The following HHAT variants were observed in gnomAD, a reference collection of about 807,000 sequenced individuals.
HHAT encodes the protein hedgehog acyltransferase, also known as protein-cysteine N-palmitoyltransferase HHAT.
HHAT carries 47 observed loss-of-function variants against 70.8 expected under a neutral mutation model. That is an observed-to-expected ratio of 0.66 (90% CI 0.53 to 0.85). The LOEUF (loss-of-function observed/expected upper bound fraction) is 0.85, where lower values mean the gene tolerates loss of function less well. Among genes scored for constraint, HHAT ranks in the 40% least tolerant of loss-of-function variants. HHAT has a pLI of 0.00. For missense variants in HHAT, 609 were observed against 604.8 expected (o/e 1.01, Z -0.07); for synonymous variants, 228 against 247.6 (o/e 0.92, Z 0.74).
intron 11 of HHAT, among the ~76,000 whole-genome samples, chr1:210,634,707 T>G (rs150113125): frequency 6.9e-4 from 105 of 152,370 alleles, no homozygotes; most frequent in Non-Finnish European, 1.4e-3. Flanking sequence ...ATAACTTACT[T>G]TAGTCATATT....
intron 6 of HHAT, among the ~76,000 whole-genome samples, chr1:210,410,447 G>GTTT (rs34599460): frequency 0.025 from 2,952 of 119,382 alleles, 115 homozygotes; most frequent in African/African-American, 0.083. Context: ...AAAACCTTTT[G>GTTT]TTTTTTTTTT....
chr1:210,672,566 C>T (rs1680307258), intron 11 of HHAT, among the ~76,000 whole-genome samples: 2 of 152,200 alleles, frequency 1.3e-5, no homozygotes, highest in South Asian at 4.1e-4. Context: ...ATGTGTGTGT[C>T]TTTCCCAAGT....
At chr1:210,641,083 T>G (rs4626957) in intron 11 of HHAT, among the ~76,000 whole-genome samples, 57,410 of 152,062 alleles carry the variant, frequency 0.38, 11,871 homozygotes, top group Middle Eastern at 0.47. Flanking sequence ...GGGTACGAAT[T>G]ATGAGCTACT....
At chr1:210,386,529 C>T (rs556586024) in intron 3 of HHAT, among the ~76,000 whole-genome samples, 4 of 151,890 alleles carry the variant, frequency 2.6e-5, no homozygotes, top group Admixed American at 6.6e-5. Context: ...TGAGCCACCG[C>T]GCCCGGCCTG....
intron 7 of HHAT, among the ~76,000 whole-genome samples, chr1:210,444,287 G>T (rs2093588872): frequency 8.0e-6 from 1 of 124,280 alleles, no homozygotes; most frequent in Non-Finnish European, 1.8e-5. Flanking sequence ...TGTTCATCAA[G>T]GATATTGGTC....
intron 8 of HHAT, among the ~76,000 whole-genome samples, chr1:210,479,246 C>G (rs2094354051): frequency 6.6e-6 from 1 of 152,144 alleles, no homozygotes; most frequent in South Asian, 2.1e-4. Context: ...TGAATTGTAC[C>G]TGAAAGTCCA....
At chr1:210,389,193 A>T (rs919384534) in intron 4 of HHAT, among the ~76,000 whole-genome samples, 1 of 150,716 alleles carries the variant, frequency 6.6e-6, no homozygotes, top group Non-Finnish European at 1.5e-5. Context: ...GAGTAATTTT[A>T]TAAAGAAAAT....
chr1:210,592,481 G>A lies in HHAT; in HGVS notation c.1245+4382G>A, dbSNP rs151044190. Among the ~76,000 whole-genome samples the A allele has an allele frequency of 2.0e-5, 3 of 152,040 alleles. No individual in the cohort carries two copies. The East Asian group carries it at 5.8e-4, about 29-fold the overall frequency. On this transcript the variant is annotated intron_variant, in intron 10 of 11. Transcript: ENST00000261458. ...TAAGTAATGTGATTCCTCCAGTTTT[G>A]TAATTTTTCCTCAGAATAGCTTTGG...
At chr1:210,585,889 G>A (rs1660329379) in intron 9 of HHAT, among the ~76,000 whole-genome samples, 1 of 152,194 alleles carries the variant, frequency 6.6e-6, no homozygotes, top group Admixed American at 6.5e-5. Flanking sequence ...CAGACACCAA[G>A]AGTAGGTGAT....
chr1:210,412,093 G>T (rs962822391), intron 6 of HHAT, among the ~76,000 whole-genome samples: 2 of 152,140 alleles, frequency 1.3e-5, no homozygotes, highest in Admixed American at 6.5e-5. Context: ...GGTGGAAGGG[G>T]TCTAACTCTT....
intron 6 of HHAT, among the ~76,000 whole-genome samples, chr1:210,408,453 G>T (rs1468485409): frequency 6.6e-6 from 1 of 152,202 alleles, no homozygotes; most frequent in East Asian, 1.9e-4. Context: ...AAAGTGCTGG[G>T]GTTACAGGTG....
At chr1:210,603,482 C>A (rs951822207) in intron 10 of HHAT, among the ~76,000 whole-genome samples, 3 of 152,008 alleles carry the variant, frequency 2.0e-5, no homozygotes, top group African/African-American at 7.2e-5. Context: ...CTGTGTCTTT[C>A]CAATTCTGGG....
Position 210,513,150 on chromosome 1 carries a change from C to G in HHAT, c.1008-3C>G. On this transcript the variant is annotated splice_polypyrimidine_tract_variant and splice_region_variant and intron_variant, in intron 8 of 11. Coordinates refer to ENST00000261458, the MANE Select transcript of HHAT (RefSeq NM_018194.6). ...TATGCTTGTCTATGTCTCTTTTGAA[C>G]AGGTATTTTGATGTTGGACTGCATA... The G allele has an allele frequency of 2.0e-6, 3 of 1,526,184 alleles. No homozygotes were observed. Among genetic ancestry groups the G allele is most frequent in the South Asian group, 2.3e-5 (2 of 86,762 alleles). The allele number at this position is 1,526,184 out of a possible 1,614,324, so 94.5% of individuals were successfully genotyped here. A position where few individuals can be genotyped will look rare whatever the true frequency, so the allele number is the denominator to read the frequency against.
At chr1:210,544,287 A>G (rs572982364) in intron 9 of HHAT, among the ~76,000 whole-genome samples, 1 of 151,640 alleles carries the variant, frequency 6.6e-6, no homozygotes, top group African/African-American at 2.4e-5. Flanking sequence ...GACCTTGTCA[A>G]GTATCTTTAC....
intron 11 of HHAT, among the ~76,000 whole-genome samples, chr1:210,624,469 T>A (rs1407202769): frequency 6.6e-6 from 1 of 152,142 alleles, no homozygotes; most frequent in Non-Finnish European, 1.5e-5. Context: ...AACGTCCTAC[T>A]AGGAATTTGC....
At position 210,348,784 on chromosome 1, in the gene HHAT, TCA is replaced by T. The variant is rs2147970574; in HGVS notation, c.-43-146_-43-145del. On this transcript the variant is annotated intron_variant, in intron 1 of 11. Transcript: ENST00000261458. ...GTGTTGGATGCAGGATGGAGTAAGT[TCA>T]CAGGGAGGAGGAAGCTTGATTGGGG... 4.6e-6 allele frequency: 3 copies of T among 654,406 alleles called. No individual in the cohort carries two copies. In the East Asian group the frequency reaches 8.9e-5, roughly 19 times the overall value. 40.5% of individuals were successfully genotyped at this position (654,406 alleles called of 1,614,324 possible). A position where few individuals can be genotyped will look rare whatever the true frequency, so the allele number is the denominator to read the frequency against.
chr1:210,332,380 C>CA (rs1558295822), intron 1 of HHAT, among the ~76,000 whole-genome samples: 2 of 152,240 alleles, frequency 1.3e-5, no homozygotes, highest in Non-Finnish European at 1.5e-5. Flanking sequence ...AACTGTATCA[C>CA]AAAAAAACAA....
intron 8 of HHAT, among the ~76,000 whole-genome samples, chr1:210,499,338 T>C (rs2094709989): frequency 6.6e-6 from 1 of 152,146 alleles, no homozygotes; most frequent in Non-Finnish European, 1.5e-5. Context: ...AATAATTTGA[T>C]GGAAAGCTAT....
chr1:210,348,872 T>C lies in HHAT; in HGVS notation c.-43-61T>C, dbSNP rs764166658. On this transcript the variant is annotated intron_variant, in intron 1 of 11. Transcript: ENST00000261458. ...CGGGAGTGTGAACTAACTGAATTGA[T>C]GTTTAGATGCTGTTCTCTAGTGTCA... 1.2e-3 allele frequency: 1,850 copies of C among 1,491,786 alleles called. 4 individuals are homozygous for C. Among genetic ancestry groups the C allele is most frequent in the Non-Finnish European group, 1.5e-3 (1,728 of 1,115,624 alleles). 92.4% of individuals were successfully genotyped at this position (1,491,786 alleles called of 1,614,324 possible).
Sources: allele counts gnomAD v4.1 joint callset (sites outside exome capture counted in the v4.1 genomes callset), GRCh38; gene constraint gnomAD v4.1.1; transcripts MANE v1.5; gene names NCBI Gene and HGNC (gene_info 2026-07-23, HGNC 2026-07-21).